RAPGEF4: variants seen among roughly 807,000 people sequenced by gnomAD.
RAPGEF4 encodes the protein RAP guanine-nucleotide-exchange factor (GEF) 4.
Under a neutral mutation model 147.9 loss-of-function variants are expected in RAPGEF4, and 66 were observed. The ratio of observed to expected loss-of-function variants is 0.45; its 90% CI spans 0.37 to 0.55. The LOEUF is 0.55. Among genes scored for constraint, RAPGEF4 ranks in the 20% least tolerant of loss-of-function variants. The pLI, the probability that RAPGEF4 is intolerant of heterozygous loss-of-function variation, is 0.00. For synonymous variants in RAPGEF4, 419 were observed against 442.7 expected, an observed-to-expected ratio of 0.95 and a Z score of 0.67; for missense variants, 1,071 against 1,257.3, an observed-to-expected ratio of 0.85 and a Z score of 2.24.
intron 4 of RAPGEF4, among the ~76,000 whole-genome samples, chr2:172,858,072 T>C (rs1362968900): frequency 1.3e-5 from 2 of 152,186 alleles, no homozygotes; most frequent in Non-Finnish European, 2.9e-5. Context: ...ACCACAGTTA[T>C]GGATAAATAG....
intron 4 of RAPGEF4, among the ~76,000 whole-genome samples, chr2:172,880,010 A>G (rs1696426299): frequency 6.6e-6 from 1 of 152,088 alleles, no homozygotes; most frequent in Non-Finnish European, 1.5e-5. Flanking sequence ...TTTTCTGTAC[A>G]CTTTTCGGGA....
chr2:172,898,371 A>G (rs1364889646), intron 4 of RAPGEF4, among the ~76,000 whole-genome samples: 2 of 152,142 alleles, frequency 1.3e-5, no homozygotes, highest in Non-Finnish European at 2.9e-5. Context: ...CCCACTCAGC[A>G]TTACCAGACC....
At chr2:172,757,110 AT>A (rs1432216613) in intron 1 of RAPGEF4, among the ~76,000 whole-genome samples, 4 of 152,270 alleles carry the variant, frequency 2.6e-5, no homozygotes, top group Non-Finnish European at 5.9e-5. Flanking sequence ...CACAAGATTA[AT>A]TTGTGGATTT....
intron 29 of RAPGEF4, among the ~76,000 whole-genome samples, chr2:173,047,732 A>G (rs567332104): frequency 1.3e-5 from 2 of 150,882 alleles, no homozygotes; most frequent in African/African-American, 4.9e-5. Flanking sequence ...GCTGGAGTGC[A>G]GTGGCGCGAT....
chr2:172,861,428 G>A (rs1417271889), intron 4 of RAPGEF4, among the ~76,000 whole-genome samples: 3 of 152,192 alleles, frequency 2.0e-5, no homozygotes, highest in Non-Finnish European at 4.4e-5. Flanking sequence ...GAGGGAAAAG[G>A]GGGTATCTTG....
At chr2:173,027,581 G>C (rs1177526827) in intron 25 of RAPGEF4, among the ~76,000 whole-genome samples, 1 of 152,030 alleles carries the variant, frequency 6.6e-6, no homozygotes, top group Non-Finnish European at 1.5e-5. Flanking sequence ...CTTATACTTC[G>C]AAAGTTCAGT....
At chr2:172,821,121 T>G (rs2149628529) in intron 4 of RAPGEF4, among the ~76,000 whole-genome samples, 1 of 152,324 alleles carries the variant, frequency 6.6e-6, no homozygotes, top group South Asian at 2.1e-4. Flanking sequence ...ACTTAAAAAT[T>G]AATATCTCAG....
intron 6 of RAPGEF4, among the ~76,000 whole-genome samples, chr2:172,939,883 G>C (rs749885521): frequency 6.6e-6 from 1 of 152,076 alleles, no homozygotes; most frequent in African/African-American, 2.4e-5. Context: ...TGAAAAGACT[G>C]TCTTCTCTCC....
At chr2:172,759,176 T>A (rs1574726417) in intron 1 of RAPGEF4, among the ~76,000 whole-genome samples, 1 of 152,192 alleles carries the variant, frequency 6.6e-6, no homozygotes, top group African/African-American at 2.4e-5. Flanking sequence ...GGCTAGTAGG[T>A]CTATTTTTCC....
intron 4 of RAPGEF4, among the ~76,000 whole-genome samples, chr2:172,911,841 A>G (rs982319763): frequency 6.8e-5 from 9 of 131,742 alleles, no homozygotes; most frequent in Non-Finnish European, 1.2e-4. Context: ...ATCACAGCTC[A>G]TTGTAGCCTG....
At chr2:172,919,951 T>A (rs1212538309) in intron 5 of RAPGEF4, among the ~76,000 whole-genome samples, 1 of 152,222 alleles carries the variant, frequency 6.6e-6, no homozygotes, top group Admixed American at 6.5e-5. Flanking sequence ...CAGTTCCCTC[T>A]GCAGCCACCT....
intron 4 of RAPGEF4, among the ~76,000 whole-genome samples, chr2:172,867,153 A>C (rs925622328): frequency 1.3e-5 from 2 of 151,770 alleles, no homozygotes; most frequent in Admixed American, 6.6e-5. Context: ...TTTTATTTTT[A>C]ATGGAGATGG....
At chr2:172,881,552 A>G (rs1696629697) in intron 4 of RAPGEF4, among the ~76,000 whole-genome samples, 2 of 152,240 alleles carry the variant, frequency 1.3e-5, no homozygotes, top group African/African-American at 4.8e-5. Context: ...TTCCTCGGAT[A>G]GAAGGAAGCA....
At chr2:172,967,531 T>C in intron 10 of RAPGEF4, 87 bp downstream of exon 10, 1 of 1,384,010 alleles carries the variant, frequency 7.2e-7, no homozygotes, top group Non-Finnish European at 9.7e-7. Flanking sequence ...AAGGCTGCTC[T>C]CAAAAGCCCT....
chr2:172,813,794 C>G (rs1377341092), intron 3 of RAPGEF4, among the ~76,000 whole-genome samples: 1 of 152,122 alleles, frequency 6.6e-6, no homozygotes, highest in East Asian at 1.9e-4. Flanking sequence ...TCATAATATC[C>G]TCAAAGTAGA....
chr2:173,052,009 A>G lies in RAPGEF4; in HGVS notation c.*242A>G. The G allele has an allele frequency of 3.0e-6, 1 of 331,204 alleles. No homozygotes were observed. Among genetic ancestry groups the G allele is most frequent in the East Asian group, 5.1e-5 (1 of 19,648 alleles). 20.5% of individuals were successfully genotyped at this position (331,204 alleles called of 1,614,324 possible). A position where few individuals can be genotyped will look rare whatever the true frequency, so the allele number is the denominator to read the frequency against. ...CCCCAGTTTGTGGCTACCCTGTTTC[A>G]TTTCCACTTGTGCCATCTTCTTTGC... On this transcript the variant is annotated 3_prime_UTR_variant, in exon 31 of 31. Coordinates refer to ENST00000397081, the MANE Select transcript of RAPGEF4 (RefSeq NM_007023.4).
At chr2:173,010,247 A>G (rs1450184234) in intron 17 of RAPGEF4, among the ~76,000 whole-genome samples, 1 of 152,242 alleles carries the variant, frequency 6.6e-6, no homozygotes, top group African/African-American at 2.4e-5. Context: ...GCCTTTCCTT[A>G]ATGGTGTTTA....
chr2:172,767,494 A>T (rs959029146), intron 1 of RAPGEF4, among the ~76,000 whole-genome samples: 2 of 152,108 alleles, frequency 1.3e-5, no homozygotes, highest in African/African-American at 2.4e-5. Context: ...ACTCTGTTTT[A>T]AAAAAACATA....
chr2:172,977,763 T>C (rs1189648695), intron 10 of RAPGEF4, among the ~76,000 whole-genome samples: 5 of 152,188 alleles, frequency 3.3e-5, no homozygotes, highest in Admixed American at 3.3e-4. Context: ...ATGAGTGCTT[T>C]TGTTGCTTTG....
Sources: allele counts gnomAD v4.1 joint callset (sites outside exome capture counted in the v4.1 genomes callset), GRCh38; gene constraint gnomAD v4.1.1; transcripts MANE v1.5; gene names NCBI Gene and HGNC (gene_info 2026-07-23, HGNC 2026-07-21).